Variants in RALGAPA2 observed in about 807,000 individuals in gnomAD.
The protein encoded by RALGAPA2 is Ral GTPase activating protein catalytic subunit alpha 2.
A neutral mutation model predicts 230.4 loss-of-function variants in RALGAPA2; 139 were observed. That is an observed-to-expected ratio of 0.60 (90% confidence interval 0.53 to 0.69). The LOEUF (loss-of-function observed/expected upper bound fraction) is 0.69, where lower values mean the gene tolerates loss of function less well. Ranked by LOEUF, RALGAPA2 falls within the 30% of genes least tolerant of loss-of-function variation. The pLI is 0.00. For missense variants in RALGAPA2, 2,163 were observed against 2,276.0 expected (o/e 0.95, Z 1.01); for synonymous variants, 847 against 837.8 (o/e 1.01, Z -0.19).
chr20:20,543,107 C>A (rs1480488161), intron 24 of RALGAPA2, among the ~76,000 whole-genome samples: 1 of 151,898 alleles, frequency 6.6e-6, no homozygotes, highest in African/African-American at 2.4e-5. Flanking sequence ...TGCAGTGGTG[C>A]GATCTTGACT....
chr20:20,567,437 A>G (rs1243005782), intron 23 of RALGAPA2, among the ~76,000 whole-genome samples: 1 of 152,198 alleles, frequency 6.6e-6, no homozygotes, highest in Non-Finnish European at 1.5e-5. Flanking sequence ...AACTGTGGAA[A>G]GGTCTTTCCA....
intron 36 of RALGAPA2, among the ~76,000 whole-genome samples, chr20:20,478,515 T>C (rs1280798283): frequency 2.6e-5 from 4 of 151,500 alleles, no homozygotes; most frequent in Non-Finnish European, 4.4e-5. Flanking sequence ...AAAAAAATCA[T>C]GTCCTTTGCA....
rs768798223 is a variant in RALGAPA2, at chr20:20,620,585, C to G, written c.1279G>C (p.Val427Leu). ...SCEIAVTRKV[V>L]QVYRKWILQD... ...AGAATCCACTTTCTGTACACTTGAA[C>G]TACTTTTCTTGTTACAGCTATCTCA... Residue 427 changes from valine (V) to leucine (L), a missense_variant, in exon 11 of 40, where the codon GTT (valine) becomes CTT (leucine). Transcript: ENST00000202677. 1.9e-6 allele frequency: 3 copies of G among 1,613,604 alleles called. No individual in the cohort carries two copies. The highest frequency in any genetic ancestry group is 2.5e-6 in the Non-Finnish European group (3 of 1,179,748).
At chr20:20,538,448 C>T (rs2063554892) in intron 24 of RALGAPA2, among the ~76,000 whole-genome samples, 1 of 152,128 alleles carries the variant, frequency 6.6e-6, no homozygotes, top group African/African-American at 2.4e-5. Context: ...AAAGTATGTT[C>T]CACTAGGGCC....
At chr20:20,694,167 G>A (rs570788717) in intron 1 of RALGAPA2, among the ~76,000 whole-genome samples, 31 of 151,842 alleles carry the variant, frequency 2.0e-4, no homozygotes, top group Non-Finnish European at 3.2e-4. Flanking sequence ...TGAGGGAGGA[G>A]GTTAAGGGAA....
At position 20,390,757 on chromosome 20, in the gene RALGAPA2, G is replaced by C. The variant is rs1384719599; in HGVS notation, c.*2532C>G. The C allele has an allele frequency of 1.3e-5, 2 of 152,124 alleles. No individual in the cohort carries two copies. The highest frequency in any genetic ancestry group is 1.3e-4 in the Admixed American group (2 of 15,268). The allele number at this position is 152,124 out of a possible 1,614,324, so 9.4% of individuals were successfully genotyped here. On this transcript the variant is annotated 3_prime_UTR_variant, in exon 40 of 40. Coordinates refer to ENST00000202677, the MANE Select transcript of RALGAPA2 (RefSeq NM_020343.4). ...ACCCCAGATAACAAAAACAACTCCA[G>C]TCCACGTGATCACGAGAAACGTGGC...
At chr20:20,635,336 C>CT (rs2066821048) in intron 9 of RALGAPA2, 82 bp downstream of exon 9, 3 of 1,406,252 alleles carry the variant, frequency 2.1e-6, no homozygotes, top group South Asian at 2.5e-5. Flanking sequence ...ACCAATAACT[C>CT]TAACAATCAA....
intron 37 of RALGAPA2, among the ~76,000 whole-genome samples, chr20:20,448,633 C>T (rs1015160384): frequency 3.9e-5 from 6 of 152,130 alleles, no homozygotes; most frequent in African/African-American, 1.4e-4. Context: ...GTTTCCCAGG[C>T]AATTCTACGA....
At chr20:20,531,917 T>C in intron 26 of RALGAPA2, 122 bp from the exon 27 acceptor site, 1 of 753,226 alleles carries the variant, frequency 1.3e-6, no homozygotes. Context: ...ATAGATCTAT[T>C]AGCAGAATGT....
At chr20:20,431,004 G>A (rs2060490287) in intron 37 of RALGAPA2, among the ~76,000 whole-genome samples, 1 of 152,124 alleles carries the variant, frequency 6.6e-6, no homozygotes, top group Non-Finnish European at 1.5e-5. Context: ...AGGGCTTCTT[G>A]GTGGTGTGAA....
intron 10 of RALGAPA2, among the ~76,000 whole-genome samples, chr20:20,622,669 C>T (rs1003757881): frequency 4.1e-4 from 63 of 152,132 alleles, no homozygotes; most frequent in Middle Eastern, 3.4e-3. Flanking sequence ...ACCAGGAGAC[C>T]TGAGCTAAGG....
chr20:20,445,924 C>T (rs1402493568), intron 37 of RALGAPA2, among the ~76,000 whole-genome samples: 1 of 151,876 alleles, frequency 6.6e-6, no homozygotes, highest in Non-Finnish European at 1.5e-5. Context: ...TCTGCTAGCA[C>T]TAAACAATGC....
chr20:20,657,683 G>A (rs922891193), intron 3 of RALGAPA2, among the ~76,000 whole-genome samples: 11 of 152,120 alleles, frequency 7.2e-5, no homozygotes, highest in Non-Finnish European at 1.3e-4. Flanking sequence ...CTGGGCAAAC[G>A]GCACAGCAGT....
At chr20:20,448,960 T>C (rs6137033) in intron 37 of RALGAPA2, among the ~76,000 whole-genome samples, 10,801 of 148,444 alleles carry the variant, frequency 0.073, 620 homozygotes, top group East Asian at 0.17. Context: ...CCATGGCGGG[T>C]TTTCTAGAAT....
chr20:20,660,562 AT>A (rs2067741469), intron 3 of RALGAPA2, among the ~76,000 whole-genome samples: 1 of 151,942 alleles, frequency 6.6e-6, no homozygotes, highest in African/African-American at 2.4e-5. Context: ...TGCAGTCCTT[AT>A]TAAGCTCAAA....
At chr20:20,707,314 A>C (rs1361179963) in intron 1 of RALGAPA2, among the ~76,000 whole-genome samples, 1 of 152,184 alleles carries the variant, frequency 6.6e-6, no homozygotes, top group Non-Finnish European at 1.5e-5. Context: ...CAGCAATCTT[A>C]CTTCAATAAA....
intron 4 of RALGAPA2, among the ~76,000 whole-genome samples, chr20:20,653,088 C>A (rs1335392702): frequency 6.7e-6 from 1 of 148,640 alleles, no homozygotes; most frequent in East Asian, 2.0e-4. Context: ...CCCAGCTACT[C>A]TGGAGGCTGA....
At chr20:20,465,406 A>G (rs935422179) in intron 37 of RALGAPA2, among the ~76,000 whole-genome samples, 15 of 152,098 alleles carry the variant, frequency 9.9e-5, no homozygotes, top group African/African-American at 3.1e-4. Context: ...GGTATAGCAG[A>G]GTGGCTGAGA....
rs141420657 is a variant in RALGAPA2 at position 20,619,102 on chromosome 20, AAAGAAAAC to A, written c.1539+167_1539+174del. Among the ~76,000 whole-genome samples, 787 of 152,366 alleles carry A rather than the reference AAAGAAAAC, an allele frequency of 5.2e-3. 7 individuals carry two copies. Among genetic ancestry groups the A allele is most frequent in the African/African-American group, 0.018 (749 of 41,576 alleles). On this transcript the variant is annotated intron_variant, in intron 12 of 39. Coordinates refer to ENST00000202677, the MANE Select transcript of RALGAPA2 (RefSeq NM_020343.4). ...TTTGTAAATTGTGGGTAGGAATTAG[AAAGAAAAC>A]TCAGAATGAGAATGTAATAGCTAAT...
Sources: gnomAD v4.1 joint callset for allele counts (sites outside exome capture counted in the v4.1 genomes callset) on GRCh38, gnomAD v4.1.1 for gene constraint, MANE v1.5 for transcripts, NCBI Gene and HGNC (gene_info 2026-07-23, HGNC 2026-07-21) for gene names.